TM4SF20: variants seen among roughly 807,000 people sequenced by gnomAD.
TM4SF20 encodes transmembrane 4 L6 family member 20.
A neutral mutation model predicts 15.1 loss-of-function variants in TM4SF20; 13 were observed. The ratio of observed to expected loss-of-function variants is 0.86; its 90% confidence interval spans 0.56 to 1.36. The LOEUF is 1.36. Among genes scored for constraint, TM4SF20 ranks in the 40% most tolerant of loss-of-function variants. TM4SF20 has a pLI of 0.00. For synonymous variants in TM4SF20, 92 were observed against 96.6 expected (o/e 0.95, Z 0.28); for missense variants, 282 against 268.4 (o/e 1.05, Z -0.35).
At chr2:227,364,067 A>G in intron 3 of TM4SF20, 55 bp from the exon 4 acceptor site, 1 of 1,510,956 alleles carries the variant, frequency 6.6e-7, no homozygotes, top group Non-Finnish European at 9.0e-7. Context: ...ACCAAAGGAA[A>G]GTAGCATTGT....
chr2:227,378,459 T>G (rs888979088), intron 1 of TM4SF20, among the ~76,000 whole-genome samples: 2 of 152,206 alleles, frequency 1.3e-5, no homozygotes, highest in Non-Finnish European at 2.9e-5. Flanking sequence ...CTGCTGCAGA[T>G]TTCAACAGAG....
chr2:227,371,615 A>G (rs989323086), intron 1 of TM4SF20, among the ~76,000 whole-genome samples: 5 of 152,206 alleles, frequency 3.3e-5, no homozygotes, highest in African/African-American at 1.2e-4. Flanking sequence ...GATGTGAGCC[A>G]TTACGCCTGG....
Position 227,363,556 on chromosome 2 carries a change from C to A in TM4SF20, c.*168G>T. On this transcript the variant is annotated 3_prime_UTR_variant, in exon 4 of 4. Coordinates refer to ENST00000304568, the MANE Select transcript of TM4SF20 (RefSeq NM_024795.4). ...TACAACACAAAACTAATTGAAAATT[C>A]TCTCCACCTTTCCCAAATCAACCAC... 1.5e-6 allele frequency: 1 copy of A among 681,526 alleles called. No individual in the cohort carries two copies. Among genetic ancestry groups the A allele is most frequent in the East Asian group, 2.8e-5 (1 of 36,004 alleles). The allele number at this position is 681,526 out of a possible 1,614,324, so 42.2% of individuals were successfully genotyped here.
chr2:227,376,457 C>G (rs893318631), intron 1 of TM4SF20, among the ~76,000 whole-genome samples: 14 of 152,222 alleles, frequency 9.2e-5, no homozygotes, highest in African/African-American at 3.1e-4. Flanking sequence ...TTTTACCACC[C>G]ACCTGTTTGC....
At chr2:227,380,619 AACCAAT>A (rs1355860075), upstream of TM4SF20, among the ~76,000 whole-genome samples, 5 of 152,236 alleles carry the variant, frequency 3.3e-5, no homozygotes, top group Non-Finnish European at 5.9e-5. Context: ...TGGAAATACA[AACCAAT>A]ATGTCTAGGA....
chr2:227,379,492 ATC>A (rs2076469741), upstream of TM4SF20: 1 of 441,738 alleles, frequency 2.3e-6, no homozygotes, highest in Non-Finnish European at 3.9e-6. Context: ...AGAAAAAAAA[ATC>A]TATGAGATAA....
At chr2:227,364,350 C>T (rs2076380010) in intron 3 of TM4SF20, among the ~76,000 whole-genome samples, 1 of 151,920 alleles carries the variant, frequency 6.6e-6, no homozygotes, top group African/African-American at 2.4e-5. Flanking sequence ...TACTCTTCTA[C>T]TTGCTAGATA....
At chr2:227,376,925 T>C (rs1233922826) in intron 1 of TM4SF20, among the ~76,000 whole-genome samples, 1 of 152,180 alleles carries the variant, frequency 6.6e-6, no homozygotes, top group Non-Finnish European at 1.5e-5. Flanking sequence ...AGAGACTAAA[T>C]GAGATAACAA....
At chr2:227,371,469 T>G (rs1182711587) in intron 1 of TM4SF20, among the ~76,000 whole-genome samples, 1 of 152,046 alleles carries the variant, frequency 6.6e-6, no homozygotes, top group East Asian at 1.9e-4. Context: ...GCCTCCTGAG[T>G]AGCTAGGACC....
chr2:227,377,934 C>T (rs1177118709), intron 1 of TM4SF20, among the ~76,000 whole-genome samples: 3 of 151,840 alleles, frequency 2.0e-5, no homozygotes, highest in Non-Finnish European at 2.9e-5. Flanking sequence ...CCAAGATACA[C>T]GTTTACCTAT....
intron 1 of TM4SF20, among the ~76,000 whole-genome samples, chr2:227,374,410 T>C (rs1361599616): frequency 6.7e-6 from 1 of 148,660 alleles, no homozygotes; most frequent in Non-Finnish European, 1.5e-5. Context: ...AGGGGCTCTT[T>C]AGACAGACAC....
At position 227,362,402 on chromosome 2, in the gene TM4SF20, A is replaced by G. The variant is rs987912549; in HGVS notation, c.*1322T>C. ...CGTTGCTTTTGGTTGAAGTAATTTT[A>G]AAACATATAAATATGCATTTCTTTT... On this transcript the variant is annotated 3_prime_UTR_variant, in exon 4 of 4. Coordinates refer to ENST00000304568, the MANE Select transcript of TM4SF20 (RefSeq NM_024795.4). The G allele has an allele frequency of 3.3e-5, 5 of 152,238 alleles. No individual in the cohort carries two copies. The highest frequency in any genetic ancestry group is 1.2e-4 in the African/African-American group (5 of 41,468). 9.4% of individuals were successfully genotyped at this position (152,238 alleles called of 1,614,324 possible). A position where few individuals can be genotyped will look rare whatever the true frequency, so the allele number is the denominator to read the frequency against.
chr2:227,369,492 G>GAT (rs2076410236), intron 2 of TM4SF20, among the ~76,000 whole-genome samples: 1 of 139,962 alleles, frequency 7.1e-6, no homozygotes, highest in Non-Finnish European at 1.5e-5. Flanking sequence ...GCAGTGATGT[G>GAT]ATCTCGGCTC....
At chr2:227,369,528 A>G (rs2076410404) in intron 2 of TM4SF20, among the ~76,000 whole-genome samples, 1 of 149,460 alleles carries the variant, frequency 6.7e-6, no homozygotes, top group South Asian at 2.1e-4. Context: ...TCCTGGGTTC[A>G]AGAGATTCTC....
intron 1 of TM4SF20, among the ~76,000 whole-genome samples, chr2:227,377,768 G>A (rs1468294993): frequency 1.3e-5 from 2 of 152,052 alleles, no homozygotes; most frequent in African/African-American, 4.8e-5. Flanking sequence ...GGAGGTAAAT[G>A]ATGAGAACAC....
chr2:227,363,951 T>C lies in TM4SF20; in HGVS notation c.463A>G (p.Thr155Ala), dbSNP rs754602133. The change falls in exon 4 of 4, where the codon ACT becomes GCT. Residue 155 changes from threonine (T) to alanine (A), a missense_variant. Physicochemically the swap from Thr to Ala is moderately conservative, Grantham distance 58. Coordinates refer to ENST00000304568, the MANE Select transcript of TM4SF20 (RefSeq NM_024795.4). ...TTACTGGTGGGTTTATTGAAACCAG[T>C]AGGAGGTGCACAAGAGTCATTGAAA... ...WFFNDSCAPP[T>A]GFNKPTSNDT... The C allele has an allele frequency of 4.3e-6, 7 of 1,613,968 alleles. No individual in the cohort carries two copies. In the Admixed American group the frequency reaches 8.3e-5, roughly 19 times the overall value.
At position 227,366,187 on chromosome 2, in the gene TM4SF20, G is replaced by A. The variant is rs750344728; in HGVS notation, c.307C>T (p.Leu103=). 2.5e-6 allele frequency: 4 copies of A among 1,613,778 alleles called. No individual in the cohort carries two copies. The change falls in exon 3 of 4, where the codon CTG becomes TTG. Residue 103 remains leucine (L), a synonymous_variant. Coordinates refer to ENST00000304568, the MANE Select transcript of TM4SF20 (RefSeq NM_024795.4). ...ITVIGALYCM[L]ISIQALLKGP... is the part of the protein sequence containing the mutation. ...TTTAAGAGAGCCTGGATGGATATCA[G>A]CATGCAATACAGAGCACCAATGACT...
Position 227,370,966 on chromosome 2 carries a change from T to C in TM4SF20, c.198A>G (p.Thr66=). The change falls in exon 2 of 4, where the codon ACA becomes ACG. Residue 66 remains threonine, a synonymous_variant. Coordinates refer to ENST00000304568, the MANE Select transcript of TM4SF20 (RefSeq NM_024795.4). ...TTTTTCTTGCTGTCAAGGACATTGTTGTTGCTGGAATGGCCTGGAAATGAC... is the reference window on the plus strand; with the variant it reads ...TTTTTCTTGCTGTCAAGGACATTGTCGTTGCTGGAATGGCCTGGAAATGAC... ...IGAGLMAIPA[T]TMSLTARKRA... is the part of the protein sequence containing the mutation. 6.2e-7 allele frequency: 1 copy of C among 1,614,080 alleles called. No individual in the cohort carries two copies. Among genetic ancestry groups the C allele is most frequent in the East Asian group, 2.2e-5 (1 of 44,882 alleles).
chr2:227,373,028 C>A (rs576637398), intron 1 of TM4SF20, among the ~76,000 whole-genome samples: 1 of 152,212 alleles, frequency 6.6e-6, no homozygotes, highest in South Asian at 2.1e-4. Context: ...CTCTTAATCC[C>A]TATTCCACAC....
Sources: gnomAD v4.1 joint callset for allele counts (sites outside exome capture counted in the v4.1 genomes callset) on GRCh38, gnomAD v4.1.1 for gene constraint, MANE v1.5 for transcripts, NCBI Gene and HGNC (gene_info 2026-07-23, HGNC 2026-07-21) for gene names.